VEPH1: variants seen among roughly 807,000 people sequenced by gnomAD.
VEPH1 encodes ventricular zone expressed PH domain containing 1, also known as ventricular zone-expressed PH domain-containing protein homolog 1.
VEPH1 carries 80 observed loss-of-function variants against 85.2 expected under a neutral mutation model. The ratio of observed to expected loss-of-function variants is 0.94; its 90% CI spans 0.78 to 1.13. VEPH1 has a LOEUF of 1.13. Among genes scored for constraint, VEPH1 ranks in the 50% most tolerant of loss-of-function variants. The pLI is 0.00. For synonymous variants in VEPH1, 297 were observed against 348.0 expected (o/e 0.85, Z 1.63); for missense variants, 955 against 980.5 (o/e 0.97, Z 0.35).
intron 7 of VEPH1, among the ~76,000 whole-genome samples, chr3:157,368,025 GA>G (rs561267993): frequency 2.1e-4 from 32 of 152,218 alleles, no homozygotes; most frequent in African/African-American, 7.2e-4. Context: ...CATATTTATG[GA>G]AATCCTTCTT....
intron 11 of VEPH1, among the ~76,000 whole-genome samples, chr3:157,288,257 G>C (rs184016721): frequency 2.2e-4 from 33 of 152,298 alleles, no homozygotes; most frequent in Middle Eastern, 6.8e-3. Context: ...GCTCTGTTGA[G>C]CTGTGATTTT....
At chr3:157,451,802 G>T (rs1452219164) in intron 4 of VEPH1, among the ~76,000 whole-genome samples, 1 of 152,166 alleles carries the variant, frequency 6.6e-6, no homozygotes, top group Non-Finnish European at 1.5e-5. Flanking sequence ...GACCAGAGTG[G>T]CTCTGCTCAT....
intron 5 of VEPH1, among the ~76,000 whole-genome samples, chr3:157,424,083 T>G (rs577381912): frequency 2.0e-5 from 3 of 152,330 alleles, no homozygotes; most frequent in East Asian, 3.9e-4. Flanking sequence ...AATTCCCACA[T>G]GTTGTGGGAG....
intron 12 of VEPH1, among the ~76,000 whole-genome samples, chr3:157,279,755 C>T (rs541319196): frequency 2.6e-5 from 4 of 152,244 alleles, no homozygotes; most frequent in East Asian, 1.9e-4. Flanking sequence ...TGGTGGCTCA[C>T]GCTGGTAATC....
At chr3:157,336,157 T>C (rs535188045) in intron 9 of VEPH1, among the ~76,000 whole-genome samples, 20 of 152,336 alleles carry the variant, frequency 1.3e-4, no homozygotes, top group Admixed American at 1.3e-3. Flanking sequence ...GGTTTCAGAA[T>C]AGCTTAATAG....
rs376868846 is a variant in VEPH1, at chr3:157,287,506, G to A, written c.2011-832C>T. The stretch of plus-strand genomic sequence containing the variant: ...AGTTCTTTTGCTTTATTCTAAAAGT[G>A]TATGCAAATTTTGCATTCTATTACA... On this transcript the variant is annotated intron_variant, in intron 11 of 13. Coordinates refer to ENST00000362010, the MANE Select transcript of VEPH1 (RefSeq NM_001167912.2). 8.3e-4 allele frequency among the ~76,000 whole-genome samples: 126 copies of A among 152,192 alleles called. 1 individual carries two copies. The South Asian group carries it at 0.014, about 17-fold the overall frequency.
chr3:157,464,019 T>C (rs1736135505), intron 3 of VEPH1, among the ~76,000 whole-genome samples: 1 of 152,200 alleles, frequency 6.6e-6, no homozygotes. Flanking sequence ...CATGCCAAAA[T>C]AATGACACAA....
intron 9 of VEPH1, among the ~76,000 whole-genome samples, chr3:157,359,919 T>C (rs1725860064): frequency 6.6e-6 from 1 of 152,222 alleles, no homozygotes; most frequent in South Asian, 2.1e-4. Flanking sequence ...TAACACTTTG[T>C]TGTTATTTCC....
At chr3:157,487,367 T>C (rs1041255962) in intron 2 of VEPH1, among the ~76,000 whole-genome samples, 1 of 152,146 alleles carries the variant, frequency 6.6e-6, no homozygotes, top group Non-Finnish European at 1.5e-5. Flanking sequence ...TTAGAAAATA[T>C]ACTTTACCAA....
rs149721538 is a variant in VEPH1, at chr3:157,330,980, A to G, written c.1736-13779T>C. On this transcript the variant is annotated intron_variant, in intron 9 of 13. Transcript: ENST00000362010. ...GGAATAGAAGCCACCTCTGAATCCT[A>G]CCTAGCTGCTGCTAGTGCTCTCCTA... Among the ~76,000 whole-genome samples the G allele has an allele frequency of 7.2e-5, 11 of 152,306 alleles. No homozygotes were observed. In the East Asian group the frequency reaches 2.1e-3, roughly 29 times the overall value.
At chr3:157,263,702 A>C (rs973269155) in intron 13 of VEPH1, among the ~76,000 whole-genome samples, 2 of 152,220 alleles carry the variant, frequency 1.3e-5, no homozygotes, top group Non-Finnish European at 2.9e-5. Flanking sequence ...ATGACTACAC[A>C]GTAGGTATCA....
chr3:157,308,023 T>C (rs1364767548), intron 11 of VEPH1, among the ~76,000 whole-genome samples: 2 of 151,894 alleles, frequency 1.3e-5, no homozygotes, highest in Non-Finnish European at 3.0e-5. Flanking sequence ...AGATTTGTTA[T>C]TGATTTTATA....
At chr3:157,280,785 C>T (rs1434016884) in intron 12 of VEPH1, among the ~76,000 whole-genome samples, 1 of 152,182 alleles carries the variant, frequency 6.6e-6, no homozygotes, top group Non-Finnish European at 1.5e-5. Context: ...TTTCAAGTTG[C>T]ATTTCAAAAC....
At chr3:157,468,757 CT>C (rs1335451245) in intron 3 of VEPH1, among the ~76,000 whole-genome samples, 1 of 151,514 alleles carries the variant, frequency 6.6e-6, no homozygotes, top group Non-Finnish European at 1.5e-5. Flanking sequence ...AATTTTTTTC[CT>C]TTTTAATTTT....
At chr3:157,431,960 G>A (rs1357548389) in intron 4 of VEPH1, among the ~76,000 whole-genome samples, 2 of 151,910 alleles carry the variant, frequency 1.3e-5, no homozygotes, top group African/African-American at 4.8e-5. Context: ...TGATTCTCCT[G>A]CCTCAGCCTC....
chr3:157,456,450 C>T (rs1458808083), intron 4 of VEPH1, among the ~76,000 whole-genome samples: 1 of 152,094 alleles, frequency 6.6e-6, no homozygotes, highest in Non-Finnish European at 1.5e-5. Context: ...TTTGCACATT[C>T]CTATGTCCAG....
intron 7 of VEPH1, among the ~76,000 whole-genome samples, chr3:157,377,415 A>G (rs867106306): frequency 1.5e-4 from 23 of 151,230 alleles, no homozygotes; most frequent in Middle Eastern, 3.2e-3. Context: ...TCCTACCTAC[A>G]TATCTCCTAA....
intron 7 of VEPH1, among the ~76,000 whole-genome samples, chr3:157,369,191 A>AAAAAAAAAAAC (rs1727164836): frequency 6.9e-6 from 1 of 145,088 alleles, no homozygotes; most frequent in Non-Finnish European, 1.5e-5. Context: ...AAAAAAAAAA[A>AAAAAAAAAAAC]AAAAAAAAAA....
chr3:157,433,869 T>C (rs924422398), intron 4 of VEPH1, among the ~76,000 whole-genome samples: 34 of 152,230 alleles, frequency 2.2e-4, no homozygotes, highest in African/African-American at 8.2e-4. Flanking sequence ...ATATACTTCA[T>C]TATATCAAGC....
Sources: allele counts gnomAD v4.1 joint callset (sites outside exome capture counted in the v4.1 genomes callset), GRCh38; gene constraint gnomAD v4.1.1; transcripts MANE v1.5; gene names NCBI Gene and HGNC (gene_info 2026-07-23, HGNC 2026-07-21).